The following MBD5 variants were observed in gnomAD, a reference collection of about 807,000 sequenced individuals.
MBD5 encodes methyl-CpG-binding domain protein 5.
Under a neutral mutation model 117.3 loss-of-function variants are expected in MBD5, and 13 were observed. The ratio of observed to expected loss-of-function variants is 0.11; its 90% CI spans 0.07 to 0.18. MBD5 has a LOEUF of 0.18. Among genes scored for constraint, MBD5 ranks in the 10% least tolerant of loss-of-function variants. The pLI, the probability that MBD5 is intolerant of heterozygous loss-of-function variation, is 1.00. For synonymous variants in MBD5, 727 were observed against 766.4 expected, an observed-to-expected ratio of 0.95 and a Z score of 0.85; for missense variants, 1,879 against 2,093.8, an observed-to-expected ratio of 0.90 and a Z score of 2.00.
intron 2 of MBD5, among the ~76,000 whole-genome samples, chr2:148,180,999 A>C (rs1233761586): frequency 6.6e-6 from 1 of 152,186 alleles, no homozygotes; most frequent in Non-Finnish European, 1.5e-5. Context: ...AAAAGAGAGA[A>C]TATTATGAAC....
chr2:148,373,181 T>C (rs1372058809), intron 4 of MBD5, among the ~76,000 whole-genome samples: 1 of 152,152 alleles, frequency 6.6e-6, no homozygotes, highest in Non-Finnish European at 1.5e-5. Context: ...CAAGAAGGCC[T>C]GTTTTTGAAT....
chr2:148,238,246 A>T (rs1700133427), intron 3 of MBD5, among the ~76,000 whole-genome samples: 1 of 152,232 alleles, frequency 6.6e-6, no homozygotes, highest in African/African-American at 2.4e-5. Context: ...AAATATGAAA[A>T]TGTGATTTAT....
chr2:148,151,589 T>C (rs2105652928), intron 1 of MBD5, among the ~76,000 whole-genome samples: 1 of 152,338 alleles, frequency 6.6e-6, no homozygotes, highest in East Asian at 1.9e-4. Context: ...TTTTGGTTGG[T>C]AAACTATTGA....
chr2:148,224,832 T>A (rs1699780597), intron 2 of MBD5, among the ~76,000 whole-genome samples: 1 of 152,138 alleles, frequency 6.6e-6, no homozygotes, highest in African/African-American at 2.4e-5. Context: ...TTTGTCTCTC[T>A]TATAGTTTTT....
intron 1 of MBD5, among the ~76,000 whole-genome samples, chr2:148,106,394 A>G (rs1215367229): frequency 6.6e-6 from 1 of 151,908 alleles, no homozygotes; most frequent in Non-Finnish European, 1.5e-5. Context: ...TAGACTAATA[A>G]TAATATAGTT....
At chr2:148,188,817 G>A (rs1698743255) in intron 2 of MBD5, among the ~76,000 whole-genome samples, 1 of 152,096 alleles carries the variant, frequency 6.6e-6, no homozygotes, top group Admixed American at 6.5e-5. Flanking sequence ...GCAGAAGACG[G>A]GTGATTTCTG....
chr2:148,294,501 G>GTTTTTTTTTTTTTGTTTTTTGTTTTTT (rs761709621), intron 3 of MBD5, among the ~76,000 whole-genome samples: 2 of 113,216 alleles, frequency 1.8e-5, no homozygotes, highest in African/African-American at 7.3e-5. Context: ...TGGGATTACA[G>GTTTTTTTTTTTTTGTTTTTTGTTTTTT]TTTTTTTTTT....
At chr2:148,456,358 CT>C (rs1706883262) in intron 4 of MBD5, among the ~76,000 whole-genome samples, 1 of 152,096 alleles carries the variant, frequency 6.6e-6, no homozygotes, top group East Asian at 1.9e-4. Context: ...CATGATGGCT[CT>C]GCCCCCATGA....
At chr2:148,491,322 T>A (rs1681519261) in intron 11 of MBD5, among the ~76,000 whole-genome samples, 1 of 150,688 alleles carries the variant, frequency 6.6e-6, no homozygotes, top group Admixed American at 6.6e-5. Flanking sequence ...TTTCGGCCTT[T>A]ACAATAATGG....
chr2:148,398,412 G>A (rs1164355022), intron 4 of MBD5, among the ~76,000 whole-genome samples: 1 of 151,954 alleles, frequency 6.6e-6, no homozygotes, highest in Non-Finnish European at 1.5e-5. Flanking sequence ...GTGATGATGA[G>A]CATTTTTTCA....
chr2:148,389,251 CATAT>C (rs70995314), intron 4 of MBD5, among the ~76,000 whole-genome samples: 649 of 31,918 alleles, frequency 0.02, 11 homozygotes, highest in Non-Finnish European at 0.029. Flanking sequence ...GAAAAAAAAA[CATAT>C]ATATATATAT....
rs926665640 is a variant in MBD5, at chr2:148,040,959, TTTTG to T, written c.-925+19291_-925+19294del. Among the ~76,000 whole-genome samples, 82 of 151,226 alleles carry T rather than the reference TTTTG, an allele frequency of 5.4e-4. 1 individual carries two copies. The highest frequency in any genetic ancestry group is 5.2e-3 in the Admixed American group (79 of 15,180). On this transcript the variant is annotated intron_variant, in intron 1 of 13. Coordinates refer to ENST00000642680, the MANE Select transcript of MBD5 (RefSeq NM_001378120.1). ...CTACCAGTGATATGCTTTTGTGGAG[TTTTG>T]TTTGTTTGTTTGTTTTTGAGTCAAG...
chr2:148,376,828 A>G (rs1449515492), intron 4 of MBD5, among the ~76,000 whole-genome samples: 1 of 92,274 alleles, frequency 1.1e-5, no homozygotes, highest in South Asian at 4.1e-4. Flanking sequence ...TATATAATAT[A>G]TATAACATAT....
At chr2:148,281,956 G>A (rs578243456) in intron 3 of MBD5, among the ~76,000 whole-genome samples, 52 of 152,184 alleles carry the variant, frequency 3.4e-4, no homozygotes, top group Admixed American at 1.1e-3. Flanking sequence ...GCATCTAACC[G>A]CTACCAGACT....
intron 4 of MBD5, among the ~76,000 whole-genome samples, chr2:148,364,739 CAAAG>C (rs1418434836): frequency 6.6e-6 from 1 of 152,066 alleles, no homozygotes; most frequent in Non-Finnish European, 1.5e-5. Context: ...TCAAAAAAGA[CAAAG>C]AAGGGCTTTA....
chr2:148,043,408 G>A (rs181938881), intron 1 of MBD5, among the ~76,000 whole-genome samples: 46 of 151,868 alleles, frequency 3.0e-4, no homozygotes, highest in African/African-American at 1.1e-3. Context: ...AGCCAAGATC[G>A]TGCCACTGCA....
At chr2:148,100,412 CCTG>C (rs747824232) in intron 1 of MBD5, among the ~76,000 whole-genome samples, 14 of 152,128 alleles carry the variant, frequency 9.2e-5, no homozygotes, top group Non-Finnish European at 1.6e-4. Flanking sequence ...TCAGTTATCT[CCTG>C]CTGCATAACA....
chr2:148,158,980 C>G (rs551458304), intron 1 of MBD5, among the ~76,000 whole-genome samples: 1 of 152,202 alleles, frequency 6.6e-6, no homozygotes, highest in African/African-American at 2.4e-5. Context: ...CCTTGGCCTC[C>G]CAAAGTGCTG....
chr2:148,354,276 C>CA (rs1278891831), intron 4 of MBD5, among the ~76,000 whole-genome samples: 1 of 152,038 alleles, frequency 6.6e-6, no homozygotes, highest in East Asian at 1.9e-4. Context: ...CTCCACCCCC[C>CA]ACCAACAGGC....
Sources: allele counts gnomAD v4.1 joint callset (sites outside exome capture counted in the v4.1 genomes callset), GRCh38; gene constraint gnomAD v4.1.1; transcripts MANE v1.5; gene names NCBI Gene and HGNC (gene_info 2026-07-23, HGNC 2026-07-21).